The following CHD5 variants were observed in gnomAD, a reference collection of about 807,000 sequenced individuals.
CHD5 encodes ATP-dependent chromatin remodeler CHD5.
In CHD5, 69 loss-of-function variants were observed where a neutral mutation model predicts 230.3. That is an observed-to-expected ratio of 0.30 (90% CI 0.25 to 0.37). The LOEUF is 0.37. Among genes scored for constraint, CHD5 ranks in the 10% least tolerant of loss-of-function variants. CHD5 has a pLI of 1.00. For missense variants in CHD5, 1,827 were observed against 2,622.8 expected, an observed-to-expected ratio of 0.70 and a Z score of 6.63; for synonymous variants, 1,064 against 1,065.9, an observed-to-expected ratio of 1.00 and a Z score of 0.03.
intron 6 of CHD5, 43 bp downstream of exon 6, chr1:6,152,369 T>C (rs1667019586): frequency 1.3e-6 from 2 of 1,587,848 alleles, no homozygotes; most frequent in Non-Finnish European, 1.7e-6. Context: ...CAGACACACA[T>C]GCATGCAAAT....
At chr1:6,114,238 G>T (rs914501279) in intron 33 of CHD5, among the ~76,000 whole-genome samples, 42 of 143,794 alleles carry the variant, frequency 2.9e-4, no homozygotes, top group African/African-American at 1.1e-3. Flanking sequence ...GGGTGACAGA[G>T]TGAGACTCCG....
In CHD5 at chr1:6,137,740, A is replaced by C. The variant is rs375576816; in HGVS notation, c.2437-875T>G. On this transcript the variant is annotated intron_variant, in intron 15 of 41. Transcript: ENST00000262450. ...ATATGAACAGAGAAAGGGACCCTGCACTTGGGGTTTAATGCCCTGAGGTTG... is the reference window on the plus strand; with the variant it reads ...ATATGAACAGAGAAAGGGACCCTGCCCTTGGGGTTTAATGCCCTGAGGTTG... Among the ~76,000 whole-genome samples, 50 of 152,370 alleles carry C rather than the reference A, an allele frequency of 3.3e-4. 1 individual carries two copies. Among genetic ancestry groups the C allele is most frequent in the African/African-American group, 1.2e-3 (48 of 41,590 alleles).
intron 38 of CHD5, 29 bp downstream of exon 38, chr1:6,109,766 C>T (rs959119426): frequency 6.3e-6 from 10 of 1,595,784 alleles, no homozygotes; most frequent in Non-Finnish European, 8.6e-6. Flanking sequence ...GGGCGGGGGG[C>T]TGCACCGTGG....
At position 6,175,735 on chromosome 1, in the gene CHD5, T is replaced by C. The variant is rs369133023; in HGVS notation, c.79+4210A>G. Among the ~76,000 whole-genome samples the C allele has an allele frequency of 8.9e-3, 1,296 of 146,408 alleles. 19 individuals are homozygous for C. Among genetic ancestry groups the C allele is most frequent in the African/African-American group, 0.032 (1,234 of 38,712 alleles). The stretch of plus-strand genomic sequence containing the variant: ...ACGGACGGACGGATGGATATACATA[T>C]GGATAGATAGGTGGATGGTGAATGG... On this transcript the variant is annotated intron_variant, in intron 1 of 41. Coordinates refer to ENST00000262450, the MANE Select transcript of CHD5 (RefSeq NM_015557.3).
intron 29 of CHD5, among the ~76,000 whole-genome samples, chr1:6,124,874 C>T (rs963343600): frequency 6.6e-6 from 1 of 152,246 alleles, no homozygotes; most frequent in Non-Finnish European, 1.5e-5. Context: ...ATCTTCCTCG[C>T]TGCCATAACA....
At chr1:6,107,731 G>GA (rs1557534527) in intron 38 of CHD5, among the ~76,000 whole-genome samples, 1 of 139,878 alleles carries the variant, frequency 7.1e-6, no homozygotes, top group Non-Finnish European at 1.6e-5. Context: ...ATGGAGGGAT[G>GA]AGGGATGATG....
At chr1:6,124,698 G>A (rs1666527006) in intron 29 of CHD5, 37 bp from the exon 30 acceptor site, 1 of 1,266,948 alleles carries the variant, frequency 7.9e-7, no homozygotes, top group Non-Finnish European at 1.1e-6. Context: ...TCAGGGAGTG[G>A]GGGGCCGGCA....
chr1:6,164,187 T>C (rs1368781510), intron 2 of CHD5, among the ~76,000 whole-genome samples: 5 of 152,238 alleles, frequency 3.3e-5, no homozygotes, highest in African/African-American at 1.2e-4. Flanking sequence ...CTAGGCCCGA[T>C]GCTCCGCACA....
chr1:6,155,725 G>T lies in CHD5; in HGVS notation c.388-8C>A. 6.2e-7 allele frequency: 1 copy of T among 1,611,346 alleles called. No individual in the cohort carries two copies. The highest frequency in any genetic ancestry group is 8.5e-7 in the Non-Finnish European group (1 of 1,177,648). The stretch of plus-strand genomic sequence containing the variant: ...CCCCGAGGACTTGGGCTCCTACAGA[G>T]ACCCAGGCCAGAGGTAGAGTTGTTG... On this transcript the variant is annotated splice_region_variant and splice_polypyrimidine_tract_variant and intron_variant, in intron 3 of 41. Coordinates refer to ENST00000262450, the MANE Select transcript of CHD5 (RefSeq NM_015557.3). The surrounding 1 kb of genome is among the most constrained non-coding windows in gnomAD (Gnocchi z 4.0).
rs377037328 is a variant in CHD5 at position 6,154,775 on chromosome 1, C to A, written c.630G>T (p.Ala210=). 6.2e-7 allele frequency: 1 copy of A among 1,612,974 alleles called. No individual in the cohort carries two copies. Among genetic ancestry groups the A allele is most frequent in the African/African-American group, 1.3e-5 (1 of 74,914 alleles). The change falls in exon 5 of 42, where the codon GCG becomes GCT. Residue 210 remains alanine, a synonymous_variant. Transcript: ENST00000262450. This position sits in a 1 kb window ranked among gnomAD's most constrained non-coding sequence, Gnocchi z 7.0. ...TCTCTACAGCCGCAGCCACCGCCGC[C>A]GCCGCTGCTGCCGCGGAGCTGCCCT... The part of the protein sequence containing the change: ...PFKGSSAAAA[A]AAVAAAVETV...
At chr1:6,139,480 A>T (rs945979822) in intron 15 of CHD5, among the ~76,000 whole-genome samples, 1 of 148,646 alleles carries the variant, frequency 6.7e-6, no homozygotes, top group Non-Finnish European at 1.5e-5. Context: ...CAGGTGACCC[A>T]CCCGCCTCGG....
Position 6,105,340 on chromosome 1 carries a change from C to T in CHD5, c.*134G>A. 1 of 467,506 alleles carries T rather than the reference C, an allele frequency of 2.1e-6. No individual in the cohort carries two copies. 29.0% of individuals were successfully genotyped at this position (467,506 alleles called of 1,614,324 possible). On this transcript the variant is annotated 3_prime_UTR_variant, in exon 42 of 42. Coordinates refer to ENST00000262450, the MANE Select transcript of CHD5 (RefSeq NM_015557.3). The surrounding 1 kb of genome is among the most constrained non-coding windows in gnomAD (Gnocchi z 4.8). ...CCATGTGATGGCATTACTAGGTTTC[C>T]CTTTTTGTCCCAAGGTGGCGCTGGC... is the stretch of plus-strand genomic sequence containing the variant.
chr1:6,154,660 C>T lies in CHD5; in HGVS notation c.745G>A (p.Gly249Arg). Residue 249 changes from glycine to arginine, a missense_variant and splice_region_variant, in exon 5 of 42, where the codon GGG becomes AGG. Gly to Arg is a moderately radical substitution (Grantham distance 125, BLOSUM62 -2). Around this residue, in one of 14 missense-constraint regions of CHD5, gnomAD observed 657 missense variants for 816.4 expected, o/e 0.80. Coordinates refer to ENST00000262450, the MANE Select transcript of CHD5 (RefSeq NM_015557.3). This position sits in a 1 kb window ranked among gnomAD's most constrained non-coding sequence, Gnocchi z 7.0. ...IRKAKTKEGK[G>R]PGVRKKIKGS... ...GGTGCCCACCCAACCCCAGCCTTAC[C>T]TTTGCCCTCCTTGGTCTTGGCCTTG... 1 of 1,555,904 alleles carries T rather than the reference C, an allele frequency of 6.4e-7. No homozygotes were observed. Among genetic ancestry groups the T allele is most frequent in the Non-Finnish European group, 8.7e-7 (1 of 1,149,252 alleles).
intron 1 of CHD5, among the ~76,000 whole-genome samples, chr1:6,175,765 T>C (rs1355047305): frequency 1.3e-5 from 2 of 149,378 alleles, no homozygotes; most frequent in East Asian, 2.0e-4. Context: ...GAATGGTTAC[T>C]TGGTTGGTTT....
At chr1:6,171,401 G>C (rs1156259799) in intron 1 of CHD5, among the ~76,000 whole-genome samples, 1 of 152,146 alleles carries the variant, frequency 6.6e-6, no homozygotes, top group Non-Finnish European at 1.5e-5. Flanking sequence ...CACGGAGACG[G>C]GGACTCAGCC....
intron 33 of CHD5, among the ~76,000 whole-genome samples, chr1:6,115,807 C>T (rs751756620): frequency 6.6e-6 from 1 of 152,328 alleles, no homozygotes; most frequent in South Asian, 2.1e-4. Flanking sequence ...AGCTACACCA[C>T]GCCAGGCATC....
chr1:6,111,925 G>A, intron 35 of CHD5, 42 bp from the exon 36 acceptor site: 1 of 1,569,520 alleles, frequency 6.4e-7, no homozygotes, highest in Non-Finnish European at 8.8e-7. Flanking sequence ...AAGTGCCCCA[G>A]CTCTCACGCA....
intron 33 of CHD5, among the ~76,000 whole-genome samples, chr1:6,118,723 A>ATTTCGATCTTGTTGCCCAGGCTG (rs1666415922): frequency 6.6e-6 from 1 of 151,952 alleles, no homozygotes; most frequent in African/African-American, 2.4e-5. Flanking sequence ...TTGAGACAGA[A>ATTTCGATCTTGTTGCCCAGGCTG]TTTCGATCTT....
intron 1 of CHD5, among the ~76,000 whole-genome samples, chr1:6,171,507 G>A (rs190162767): frequency 6.6e-6 from 1 of 151,418 alleles, no homozygotes; most frequent in Admixed American, 6.6e-5. Context: ...CTATGACACT[G>A]CCCCCCCCAA....
Sources: gnomAD v4.1 joint callset for allele counts (sites outside exome capture counted in the v4.1 genomes callset) on GRCh38, gnomAD v4.1.1 for gene constraint, gnomAD v4.1.1 regional missense constraint, Gnocchi (gnomAD v3.1) non-coding constraint, MANE v1.5 for transcripts, NCBI Gene and HGNC (gene_info 2026-07-23, HGNC 2026-07-21) for gene names.